Variants in GABRA4 observed in about 807,000 individuals in gnomAD.
GABRA4 encodes gamma-aminobutyric acid type A receptor subunit alpha4.
GABRA4 carries 12 observed loss-of-function variants against 49.7 expected under a neutral mutation model. The observed-to-expected ratio is 0.24, with a 90% CI of 0.15 to 0.39. The LOEUF (loss-of-function observed/expected upper bound fraction) is 0.39, where lower values mean the gene tolerates loss of function less well. Ranked by LOEUF, GABRA4 falls within the 10% of genes least tolerant of loss-of-function variation. The probability of loss-of-function intolerance (pLI) is 1.00; values close to 1 mark genes in which losing one functional copy is unlikely to be tolerated. For synonymous variants in GABRA4, 288 were observed against 240.2 expected (o/e 1.20, Z -1.84); for missense variants, 506 against 686.0 (o/e 0.74, Z 2.93).
At chr4:46,963,866 C>T (rs1420111114) in intron 8 of GABRA4, among the ~76,000 whole-genome samples, 1 of 151,696 alleles carries the variant, frequency 6.6e-6, no homozygotes, top group African/African-American at 2.4e-5. Context: ...CCTCAAAAAA[C>T]TAAAAATAAA....
intron 8 of GABRA4, among the ~76,000 whole-genome samples, chr4:46,944,069 G>C (rs947388998): frequency 1.3e-5 from 2 of 151,982 alleles, no homozygotes; most frequent in African/African-American, 4.8e-5. Context: ...ACAGCATCGG[G>C]ACTACGGTTA....
intron 6 of GABRA4, among the ~76,000 whole-genome samples, chr4:46,973,324 G>GC (rs1723021644): frequency 2.0e-5 from 3 of 151,646 alleles, no homozygotes; most frequent in Admixed American, 6.6e-5. Context: ...TAGAATTAGT[G>GC]CCTTTATAAA....
chr4:46,950,229 G>A (rs1015103028), intron 8 of GABRA4, among the ~76,000 whole-genome samples: 6 of 152,018 alleles, frequency 3.9e-5, no homozygotes, highest in African/African-American at 1.4e-4. Context: ...ATAAAGCAAA[G>A]CAAACAAGCT....
In GABRA4 at chr4:46,939,065, T is replaced by C. The variant is rs992844478; in HGVS notation, c.1135-10310A>G. ...ATATTAGCAACAAGTAAGTTTTAAATAGGCAAAAGAGCTCCTCATTCCCTT... is the reference window on the plus strand; with the variant it reads ...ATATTAGCAACAAGTAAGTTTTAAACAGGCAAAAGAGCTCCTCATTCCCTT... On this transcript the variant is annotated intron_variant, in intron 8 of 8. Coordinates refer to ENST00000264318, the MANE Select transcript of GABRA4 (RefSeq NM_000809.4). Among the ~76,000 whole-genome samples the C allele has an allele frequency of 4.6e-5, 7 of 151,998 alleles. 1 individual carries two copies. Among genetic ancestry groups the C allele is most frequent in the Admixed American group, 2.6e-4 (4 of 15,250 alleles).
chr4:46,945,490 G>GT (rs1043055619), intron 8 of GABRA4, among the ~76,000 whole-genome samples: 4 of 152,054 alleles, frequency 2.6e-5, no homozygotes, highest in Admixed American at 6.6e-5. Context: ...ACAAGGACTG[G>GT]TTTTTTCCTC....
In GABRA4 at chr4:46,928,210, A is replaced by G. The variant is rs755168825; in HGVS notation, c.*15T>C. ...CATTTTCATCATCTTTTAGCAAACT[A>G]CTATAGCAACGAAATTACATTAGAC... On this transcript the variant is annotated 3_prime_UTR_variant, in exon 9 of 9. Coordinates refer to ENST00000264318, the MANE Select transcript of GABRA4 (RefSeq NM_000809.4). The G allele has an allele frequency of 4.4e-6, 7 of 1,587,074 alleles. No homozygotes were observed. The South Asian group carries it at 8.0e-5, about 18-fold the overall frequency.
Position 46,971,075 on chromosome 4 carries a change from G to T in GABRA4, c.874+8C>A, listed in dbSNP as rs537664984. The stretch of plus-strand genomic sequence containing the variant: ...AACAAAAACGCCCAAGAAATGAATT[G>T]CAATTACCAAATACAGTCCTAGCGG... On this transcript the variant is annotated splice_region_variant and intron_variant, in intron 7 of 8. Coordinates refer to ENST00000264318, the MANE Select transcript of GABRA4 (RefSeq NM_000809.4). 116 of 1,598,188 alleles carry T rather than the reference G, an allele frequency of 7.3e-5. No individual in the cohort carries two copies. The highest frequency in any genetic ancestry group is 9.5e-5 in the Non-Finnish European group (111 of 1,173,570).
chr4:46,928,021 T>C lies in GABRA4; in HGVS notation c.*204A>G. On this transcript the variant is annotated 3_prime_UTR_variant, in exon 9 of 9. Transcript: ENST00000264318. The stretch of plus-strand genomic sequence containing the variant: ...CTATCTAACTGAATGCTGAGTTCTT[T>C]TAAAATAATTTTTCTGAAAAAAAAC... 1 of 491,258 alleles carries C rather than the reference T, an allele frequency of 2.0e-6. No individual in the cohort carries two copies. The allele number at this position is 491,258 out of a possible 1,614,324, so 30.4% of individuals were successfully genotyped here.
At chr4:46,938,934 A>G (rs536746627) in intron 8 of GABRA4, among the ~76,000 whole-genome samples, 35 of 152,206 alleles carry the variant, frequency 2.3e-4, no homozygotes, top group African/African-American at 7.7e-4. Context: ...GAATCACAAA[A>G]AAATAAACAC....
At chr4:46,931,057 T>C (rs1475433761) in intron 8 of GABRA4, among the ~76,000 whole-genome samples, 2 of 151,962 alleles carry the variant, frequency 1.3e-5, no homozygotes, top group African/African-American at 4.8e-5. Flanking sequence ...GAGATAAGAA[T>C]GCTAAACAAA....
intron 6 of GABRA4, among the ~76,000 whole-genome samples, chr4:46,972,581 C>A (rs1722987400): frequency 6.6e-6 from 1 of 151,386 alleles, no homozygotes; most frequent in Non-Finnish European, 1.5e-5. Flanking sequence ...AAGTTCCCTC[C>A]TTCTTATTTA....
rs577348641 is a variant in GABRA4, at chr4:46,919,634, A to G, written c.*8591T>C. 7 of 151,738 alleles carry G rather than the reference A, an allele frequency of 4.6e-5. No individual in the cohort carries two copies. In the East Asian group the frequency reaches 1.4e-3, roughly 29 times the overall value. 9.4% of individuals were successfully genotyped at this position (151,738 alleles called of 1,614,324 possible). The stretch of plus-strand genomic sequence containing the variant: ...TAATAAGGAATATTTTCAATTGTAC[A>G]ACTAAACAAACAATTTTAAAATTAT... On this transcript the variant is annotated 3_prime_UTR_variant, in exon 9 of 9. Transcript: ENST00000264318.
chr4:46,951,041 C>A (rs1722156310), intron 8 of GABRA4, among the ~76,000 whole-genome samples: 1 of 151,784 alleles, frequency 6.6e-6, no homozygotes, highest in Admixed American at 6.6e-5. Context: ...ACAGAGACAA[C>A]CGGCATAATA....
At position 46,974,435 on chromosome 4, in the gene GABRA4, T is replaced by A. The variant is rs992670837; in HGVS notation, c.578-60A>T. The A allele has an allele frequency of 6.1e-6, 9 of 1,476,272 alleles. No homozygotes were observed. In the African/African-American group the frequency reaches 1.3e-4, roughly 21 times the overall value. 91.4% of individuals were successfully genotyped at this position (1,476,272 alleles called of 1,614,324 possible). A position where few individuals can be genotyped will look rare whatever the true frequency, so the allele number is the denominator to read the frequency against. ...GCTCCTTTTTCATCCACATCAGTGG[T>A]CAACACTTAAAAACAGTACTTGTTC... On this transcript the variant is annotated intron_variant, in intron 5 of 8. Transcript: ENST00000264318.
rs937613131 is a variant in GABRA4, at chr4:46,959,825, T to C, written c.1134+5145A>G. On this transcript the variant is annotated intron_variant, in intron 8 of 8. Transcript: ENST00000264318. ...CTATAACACAAAAATTATGTATATA[T>C]ATATATATATGTGTGTGTGTGTGTG... 4.5e-5 allele frequency among the ~76,000 whole-genome samples: 6 copies of C among 133,266 alleles called. 1 individual carries two copies. Among genetic ancestry groups the C allele is most frequent in the Admixed American group, 1.5e-4 (2 of 13,334 alleles). 87.4% of individuals were successfully genotyped at this position (133,266 alleles called of 152,430 possible).
intron 5 of GABRA4, among the ~76,000 whole-genome samples, chr4:46,975,705 T>C (rs190720532): frequency 6.6e-5 from 10 of 152,090 alleles, no homozygotes; most frequent in African/African-American, 1.9e-4. Context: ...AGAGAGCTTT[T>C]TCTGAGAACT....
rs1167253906 is a variant in GABRA4 at position 46,926,526 on chromosome 4, G to A, written c.*1699C>T. ...TATCAAAAACAACCATTATAAGGTA[G>A]TGCAATATCTGAAAAATCGATGCCA... On this transcript the variant is annotated 3_prime_UTR_variant, in exon 9 of 9. Transcript: ENST00000264318. 6.6e-6 allele frequency: 1 copy of A among 151,912 alleles called. No individual in the cohort carries two copies. Among genetic ancestry groups the A allele is most frequent in the East Asian group, 1.9e-4 (1 of 5,190 alleles). The allele number at this position is 151,912 out of a possible 1,614,324, so 9.4% of individuals were successfully genotyped here.
chr4:46,989,609 T>A (rs985347295), intron 2 of GABRA4, among the ~76,000 whole-genome samples: 2 of 152,328 alleles, frequency 1.3e-5, no homozygotes, highest in Non-Finnish European at 1.5e-5. Flanking sequence ...TGCTGCTGAG[T>A]TAAAAATATG....
intron 1 of GABRA4, 104 bp downstream of exon 1, chr4:46,993,232 TAAG>T (rs1723841670): frequency 1.0e-6 from 1 of 964,544 alleles, no homozygotes; most frequent in East Asian, 2.4e-5. Flanking sequence ...ACAGCTGAGA[TAAG>T]AAGACCTAGT....
Sources: allele counts gnomAD v4.1 joint callset (sites outside exome capture counted in the v4.1 genomes callset), GRCh38; gene constraint gnomAD v4.1.1; transcripts MANE v1.5; gene names NCBI Gene and HGNC (gene_info 2026-07-23, HGNC 2026-07-21).